Variants in SGPP2 observed in about 807,000 individuals in gnomAD.
SGPP2 encodes sphingosine-1-phosphate phosphatase 2.
In SGPP2, 30 loss-of-function variants were observed where a neutral mutation model predicts 33.9. That is an observed-to-expected ratio of 0.89 (90% CI 0.66 to 1.20). The LOEUF (loss-of-function observed/expected upper bound fraction) is 1.20. Among genes scored for constraint, SGPP2 ranks in the 50% most tolerant of loss-of-function variants. SGPP2 has a pLI of 0.00. For missense variants in SGPP2, 458 were observed against 532.1 expected (o/e 0.86, Z 1.37); for synonymous variants, 233 against 225.0 (o/e 1.04, Z -0.32).
At chr2:222,533,438 T>C (rs1264047277) in intron 4 of SGPP2, among the ~76,000 whole-genome samples, 2 of 152,098 alleles carry the variant, frequency 1.3e-5, no homozygotes, top group African/African-American at 4.8e-5. Context: ...GCCACTCCTG[T>C]AGGATGTGAA....
At chr2:222,495,428 T>A (rs1265552557) in intron 2 of SGPP2, among the ~76,000 whole-genome samples, 3 of 151,440 alleles carry the variant, frequency 2.0e-5, no homozygotes, top group Admixed American at 6.6e-5. Context: ...AAATAAAAAT[T>A]AAAAAAAAAT....
chr2:222,485,337 C>T (rs1698088572), intron 2 of SGPP2, among the ~76,000 whole-genome samples: 1 of 152,230 alleles, frequency 6.6e-6, no homozygotes, highest in South Asian at 2.1e-4. Flanking sequence ...TCCAGTTCTC[C>T]ATGCCTTGGT....
chr2:222,523,204 G>C (rs1052757703), intron 3 of SGPP2, among the ~76,000 whole-genome samples: 10 of 152,196 alleles, frequency 6.6e-5, no homozygotes, highest in Non-Finnish European at 1.3e-4. Flanking sequence ...TTAGACCTCT[G>C]TTACATAAGA....
chr2:222,531,656 T>TA (rs908187334), intron 4 of SGPP2, among the ~76,000 whole-genome samples: 8 of 152,262 alleles, frequency 5.3e-5, no homozygotes, highest in African/African-American at 1.7e-4. Flanking sequence ...CTGGATATTT[T>TA]AAAATAGTTA....
intron 1 of SGPP2, among the ~76,000 whole-genome samples, chr2:222,466,761 G>A (rs1350715588): frequency 6.6e-6 from 1 of 151,986 alleles, no homozygotes; most frequent in Non-Finnish European, 1.5e-5. Context: ...TTTCAAATTT[G>A]TCATTCCAGT....
intron 4 of SGPP2, among the ~76,000 whole-genome samples, chr2:222,538,121 A>G (rs1034155471): frequency 2.0e-5 from 3 of 152,180 alleles, no homozygotes; most frequent in African/African-American, 7.2e-5. Flanking sequence ...AGGCAAAGGC[A>G]TAGTGATGGA....
chr2:222,497,469 A>G (rs1024795582), intron 2 of SGPP2, among the ~76,000 whole-genome samples: 2 of 151,548 alleles, frequency 1.3e-5, no homozygotes, highest in Non-Finnish European at 2.9e-5. Context: ...CTGGTCCCAA[A>G]CTCCTGACTT....
intron 1 of SGPP2, among the ~76,000 whole-genome samples, chr2:222,435,049 T>TATATATGTGTATATATAC (rs1697218839): frequency 1.0e-4 from 2 of 19,262 alleles, no homozygotes; most frequent in African/African-American, 1.4e-4. Flanking sequence ...TGTATATATA[T>TATATATGTGTATATATAC]ACACACATAT....
intron 4 of SGPP2, among the ~76,000 whole-genome samples, chr2:222,541,909 AC>A (rs1411699426): frequency 6.6e-6 from 1 of 152,146 alleles, no homozygotes; most frequent in Non-Finnish European, 1.5e-5. Context: ...GGTAAGAAAA[AC>A]AATTTAAAAC....
At chr2:222,484,900 A>T (rs1327915951) in intron 2 of SGPP2, among the ~76,000 whole-genome samples, 1 of 152,188 alleles carries the variant, frequency 6.6e-6, no homozygotes, top group Non-Finnish European at 1.5e-5. Context: ...CAAAATCTTA[A>T]TTTTCTCTCT....
chr2:222,432,887 G>A (rs1325393215), intron 1 of SGPP2, among the ~76,000 whole-genome samples: 1 of 152,138 alleles, frequency 6.6e-6, no homozygotes, highest in Non-Finnish European at 1.5e-5. Context: ...GGGGCATGGT[G>A]GCACATACCT....
At chr2:222,454,738 A>G (rs1049040652) in intron 1 of SGPP2, among the ~76,000 whole-genome samples, 2 of 151,942 alleles carry the variant, frequency 1.3e-5, no homozygotes, top group African/African-American at 4.8e-5. Context: ...GCTGTTAAAA[A>G]AAAAAAAAAA....
rs1374634249 is a variant in SGPP2, at chr2:222,511,482, A to G, written c.379-10285A>G. On this transcript the variant is annotated intron_variant, in intron 2 of 4. Coordinates refer to ENST00000321276, the MANE Select transcript of SGPP2 (RefSeq NM_152386.4). ...TAATTACTTCCCGTGTTGCCTCCTT[A>G]TGGGTTTTTGCTTTCATGCACAGGA... Among the ~76,000 whole-genome samples, 17 of 152,022 alleles carry G rather than the reference A, an allele frequency of 1.1e-4. 1 individual carries two copies. The highest frequency in any genetic ancestry group is 1.0e-3 in the Admixed American group (16 of 15,250).
chr2:222,558,307 A>C, intron 4 of SGPP2, 40 bp from the exon 5 acceptor site: 1 of 1,595,026 alleles, frequency 6.3e-7, no homozygotes, highest in Middle Eastern at 1.8e-4. Context: ...ACAAGGAAAC[A>C]CTCATTGGTT....
intron 4 of SGPP2, among the ~76,000 whole-genome samples, chr2:222,536,779 A>G (rs367660233): frequency 2.0e-5 from 3 of 152,354 alleles, no homozygotes; most frequent in East Asian, 3.9e-4. Context: ...GATCATTGTT[A>G]TGATGTTTAG....
chr2:222,461,918 G>A (rs996581958), intron 1 of SGPP2, among the ~76,000 whole-genome samples: 1 of 152,080 alleles, frequency 6.6e-6, no homozygotes, highest in Non-Finnish European at 1.5e-5. Flanking sequence ...TCCAGCTTGT[G>A]TACAAACCCC....
intron 1 of SGPP2, among the ~76,000 whole-genome samples, chr2:222,437,204 T>C (rs1413235271): frequency 1.4e-4 from 21 of 152,216 alleles, no homozygotes. Flanking sequence ...TTGTCACCAA[T>C]TTTCCAATCC....
At chr2:222,491,935 G>A (rs1412794124) in intron 2 of SGPP2, among the ~76,000 whole-genome samples, 1 of 152,156 alleles carries the variant, frequency 6.6e-6, no homozygotes, top group Non-Finnish European at 1.5e-5. Context: ...GGAGAAATTG[G>A]CCAAAACAAA....
intron 1 of SGPP2, among the ~76,000 whole-genome samples, chr2:222,455,214 CT>C (rs1229815794): frequency 4.7e-5 from 3 of 63,786 alleles, no homozygotes; most frequent in Non-Finnish European, 6.9e-5. Context: ...ACTCCAATCT[CT>C]TTAAAAAAAA....
Sources: gnomAD v4.1 joint callset for allele counts (sites outside exome capture counted in the v4.1 genomes callset) on GRCh38, gnomAD v4.1.1 for gene constraint, MANE v1.5 for transcripts, NCBI Gene and HGNC (gene_info 2026-07-23, HGNC 2026-07-21) for gene names.